Variants in PRMT8 observed in about 807,000 individuals in gnomAD.
PRMT8 encodes protein arginine methyltransferase 8.
A neutral mutation model predicts 47.1 loss-of-function variants in PRMT8; 7 were observed. The observed-to-expected ratio is 0.15, with a 90% CI of 0.08 to 0.28. The LOEUF (loss-of-function observed/expected upper bound fraction) is 0.28, where lower values mean the gene tolerates loss of function less well. PRMT8 is among the 10% of genes least tolerant of loss of function. The probability of loss-of-function intolerance (pLI) is 1.00; values close to 1 mark genes in which losing one functional copy is unlikely to be tolerated. For synonymous variants in PRMT8, 188 were observed against 186.5 expected (o/e 1.01, Z -0.07); for missense variants, 237 against 505.4 (o/e 0.47, Z 5.09).
chr12:3,578,959 T>A (rs951405888), intron 7 of PRMT8, among the ~76,000 whole-genome samples: 1 of 152,166 alleles, frequency 6.6e-6, no homozygotes, highest in Non-Finnish European at 1.5e-5. Context: ...TTCACAGGGT[T>A]CTCACTACTT....
chr12:3,557,739 G>A lies in PRMT8; in HGVS notation c.481+4025G>A, dbSNP rs1465452838. ...GAAACTGAGGCTAGGAGAGGTGGGT[G>A]ACTGAGCCCTTTGCTAAGGTGTGTT... On this transcript the variant is annotated intron_variant, in intron 4 of 9. Transcript: ENST00000382622. This position sits in a 1 kb window ranked among gnomAD's most constrained non-coding sequence, Gnocchi z 4.7. Among the ~76,000 whole-genome samples the A allele has an allele frequency of 3.3e-5, 5 of 152,156 alleles. No homozygotes were observed. The East Asian group carries it at 9.6e-4, about 29-fold the overall frequency.
chr12:3,414,302 C>T (rs1864462519), intron 1 of PRMT8, among the ~76,000 whole-genome samples: 1 of 152,218 alleles, frequency 6.6e-6, no homozygotes. Context: ...GCACTTCTGA[C>T]TCCAGATGTC....
chr12:3,555,865 A>AGGTGAAGT (rs1866519334), intron 4 of PRMT8, among the ~76,000 whole-genome samples: 27 of 54,126 alleles, frequency 5.0e-4, no homozygotes, highest in East Asian at 1.0e-3. Context: ...GGTGGATGGG[A>AGGTGAAGT]CCTGAGGATG....
chr12:3,510,261 A>G (rs905050317), intron 1 of PRMT8, among the ~76,000 whole-genome samples: 9 of 152,124 alleles, frequency 5.9e-5, no homozygotes, highest in African/African-American at 2.2e-4. Flanking sequence ...AGCGTGGTCC[A>G]GGTCCCTTTA....
At chr12:3,523,123 G>T (rs1865905274) in intron 1 of PRMT8, among the ~76,000 whole-genome samples, 1 of 152,188 alleles carries the variant, frequency 6.6e-6, no homozygotes, top group Non-Finnish European at 1.5e-5. Flanking sequence ...ACCAAAGGCA[G>T]CTGTCACAAG....
At position 3,394,004 on chromosome 12, in the gene PRMT8, G is replaced by A. The variant is rs1445437828; in HGVS notation, c.48+12562G>A. ...GTGAATGGGAGTTCACTCATGATTT[G>A]GCTCTCTGTCTGTTGTTGGTGTATA... On this transcript the variant is annotated intron_variant, in intron 1 of 9. Transcript: ENST00000452611. 1.6e-4 allele frequency among the ~76,000 whole-genome samples: 21 copies of A among 131,466 alleles called. 1 individual carries two copies. The South Asian group carries it at 3.7e-3, about 23-fold the overall frequency. The allele number at this position is 131,466 out of a possible 152,430, so 86.2% of individuals were successfully genotyped here. A position where few individuals can be genotyped will look rare whatever the true frequency, so the allele number is the denominator to read the frequency against.
chr12:3,425,185 T>C (rs1408329474), intron 1 of PRMT8, among the ~76,000 whole-genome samples: 2 of 152,234 alleles, frequency 1.3e-5, no homozygotes, highest in African/African-American at 4.8e-5. Context: ...AATTTTCACA[T>C]AGCAAGCTTT....
chr12:3,457,081 T>A (rs146871482), intron 1 of PRMT8, among the ~76,000 whole-genome samples: 1 of 152,164 alleles, frequency 6.6e-6, no homozygotes, highest in Non-Finnish European at 1.5e-5. Context: ...TGTTTTGTTT[T>A]GTTTTGTTTG....
At position 3,467,239 on chromosome 12, in the gene PRMT8, C is replaced by CAAAA. The variant is rs10694948; in HGVS notation, c.49-73345_49-73342dup. On this transcript the variant is annotated intron_variant, in intron 1 of 9. Coordinates refer to the PRMT8 transcript ENST00000452611. ...TGGGCGACAGAGCAAGACTCCATCT[C>CAAAA]AAAAAAAAAAAAAAAAAAAAAAAAA... is the stretch of plus-strand genomic sequence containing the variant. Among the ~76,000 whole-genome samples, 185 of 48,790 alleles carry CAAAA rather than the reference C, an allele frequency of 3.8e-3. 2 individuals carry two copies. The highest frequency in any genetic ancestry group is 5.1e-3 in the African/African-American group (43 of 8,450). The allele number at this position is 48,790 out of a possible 152,430, so 32.0% of individuals were successfully genotyped here. A position where few individuals can be genotyped will look rare whatever the true frequency, so the allele number is the denominator to read the frequency against.
intron 1 of PRMT8, among the ~76,000 whole-genome samples, chr12:3,407,226 A>G (rs963306258): frequency 6.6e-6 from 1 of 152,060 alleles, no homozygotes; most frequent in Non-Finnish European, 1.5e-5. Context: ...TCATGATTTG[A>G]TTACCTCCCA....
At chr12:3,589,918 C>CT (rs1218771267) in intron 8 of PRMT8, among the ~76,000 whole-genome samples, 1 of 152,158 alleles carries the variant, frequency 6.6e-6, no homozygotes, top group African/African-American at 2.4e-5. Flanking sequence ...AGAGAGACAC[C>CT]TGTCTGAGCT....
At chr12:3,402,529 C>T (rs1864327734) in intron 1 of PRMT8, among the ~76,000 whole-genome samples, 1 of 152,202 alleles carries the variant, frequency 6.6e-6, no homozygotes. Context: ...TCAGAGTGAA[C>T]AGACATCCTA....
chr12:3,561,586 G>A (rs1020360560), intron 4 of PRMT8, among the ~76,000 whole-genome samples: 6 of 152,178 alleles, frequency 3.9e-5, no homozygotes, highest in Non-Finnish European at 5.9e-5. Context: ...CCTACAGGCT[G>A]CTCTACATTA....
intron 1 of PRMT8, among the ~76,000 whole-genome samples, chr12:3,485,844 T>A (rs1178150504): frequency 6.6e-6 from 1 of 152,036 alleles, no homozygotes; most frequent in Non-Finnish European, 1.5e-5. Flanking sequence ...AAGTTTTAAA[T>A]GAAAGAAAAA....
chr12:3,399,329 T>C (rs1864295073), intron 1 of PRMT8, among the ~76,000 whole-genome samples: 1 of 152,014 alleles, frequency 6.6e-6, no homozygotes, highest in African/African-American at 2.4e-5. Flanking sequence ...GGGGCAAAAA[T>C]AGAGTGGTTC....
chr12:3,468,525 G>A (rs995804763), intron 1 of PRMT8, among the ~76,000 whole-genome samples: 10 of 152,182 alleles, frequency 6.6e-5, no homozygotes, highest in African/African-American at 2.4e-4. Flanking sequence ...CAACACTGAG[G>A]CCCAGTCGTT....
chr12:3,478,326 G>A (rs749089980), intron 1 of PRMT8, among the ~76,000 whole-genome samples: 13 of 139,640 alleles, frequency 9.3e-5, no homozygotes, highest in African/African-American at 3.4e-4. Flanking sequence ...CTATCTATCT[G>A]TCTGTCTATC....
chr12:3,440,335 G>A lies in PRMT8; in HGVS notation c.48+58893G>A, dbSNP rs150853995. On this transcript the variant is annotated intron_variant, in intron 1 of 9. Coordinates refer to the PRMT8 transcript ENST00000452611. ...AAATTAGCCAGGCATGGCAGCACGC[G>A]GCTGTAGTCCCAGCTACTTGGGAGG... is the stretch of plus-strand genomic sequence containing the variant. 7.9e-3 allele frequency among the ~76,000 whole-genome samples: 1,196 copies of A among 152,100 alleles called. 18 individuals carry two copies. Among genetic ancestry groups the A allele is most frequent in the African/African-American group, 0.028 (1,149 of 41,474 alleles).
At chr12:3,475,434 G>A (rs529596568) in intron 1 of PRMT8, among the ~76,000 whole-genome samples, 1 of 152,278 alleles carries the variant, frequency 6.6e-6, no homozygotes, top group Admixed American at 6.5e-5. Context: ...CAGTTTTCAG[G>A]CAGGACAGAG....
Sources: gnomAD v4.1 joint callset for allele counts (sites outside exome capture counted in the v4.1 genomes callset) on GRCh38, gnomAD v4.1.1 for gene constraint, Gnocchi (gnomAD v3.1) non-coding constraint, MANE v1.5 for transcripts, NCBI Gene and HGNC (gene_info 2026-07-23, HGNC 2026-07-21) for gene names.